Variants in TAS2R1 observed in about 807,000 individuals in gnomAD.
TAS2R1 encodes the protein taste 2 receptor member 1, also known as taste receptor type 2 member 1.
For missense variants in TAS2R1, 370 were observed against 353.4 expected, an observed-to-expected ratio of 1.05 and a Z score of -0.38; for synonymous variants, 141 against 134.2, an observed-to-expected ratio of 1.05 and a Z score of -0.35.
chr5:9,631,416 A>T (rs564038839), upstream of TAS2R1, among the ~76,000 whole-genome samples: 179 of 152,126 alleles, frequency 1.2e-3, no homozygotes, highest in African/African-American at 4.2e-3. Flanking sequence ...CTTTTTAAAA[A>T]TTTTTCATAG....
chr5:9,715,995 T>G (rs904841821), upstream of TAS2R1, among the ~76,000 whole-genome samples: 1 of 152,210 alleles, frequency 6.6e-6, no homozygotes, highest in African/African-American at 2.4e-5. Context: ...TGACACATAC[T>G]CTTTTACTGC....
the TAS2R1 span, among the ~76,000 whole-genome samples, chr5:9,852,101 T>C: frequency 6.6e-6 from 1 of 152,226 alleles, no homozygotes; most frequent in Non-Finnish European, 1.5e-5. Flanking sequence ...AGGTATAGTA[T>C]ATTATAGATG....
At chr5:9,795,439 G>A in the TAS2R1 span, among the ~76,000 whole-genome samples, 1 of 152,028 alleles carries the variant, frequency 6.6e-6, no homozygotes, top group African/African-American at 2.4e-5. Flanking sequence ...AACATACCAG[G>A]GTTTCCCTAT....
chr5:9,798,936 G>A, the TAS2R1 span, among the ~76,000 whole-genome samples: 1 of 152,254 alleles, frequency 6.6e-6, no homozygotes, highest in African/African-American at 2.4e-5. Flanking sequence ...GGAAGGACCA[G>A]GACACTGACT....
chr5:9,633,968 T>C (rs2126476582), upstream of TAS2R1, among the ~76,000 whole-genome samples: 1 of 152,264 alleles, frequency 6.6e-6, no homozygotes, highest in South Asian at 2.1e-4. Flanking sequence ...CTATTTATTT[T>C]TGGTTTTGCT....
At chr5:9,861,154 C>G in the TAS2R1 span, among the ~76,000 whole-genome samples, 1 of 150,642 alleles carries the variant, frequency 6.6e-6, no homozygotes, top group South Asian at 2.1e-4. Flanking sequence ...ACACTTCCAG[C>G]TTTTCTTGAA....
chr5:9,856,062 T>C, the TAS2R1 span, among the ~76,000 whole-genome samples: 246 of 152,266 alleles, frequency 1.6e-3, no homozygotes, highest in African/African-American at 5.8e-3. Context: ...AAGAAGGCAA[T>C]AACTTGCATT....
At chr5:9,710,327 T>A (rs1741704025) in intron 1 of TAS2R1, among the ~76,000 whole-genome samples, 1 of 152,266 alleles carries the variant, frequency 6.6e-6, no homozygotes, top group Non-Finnish European at 1.5e-5. Flanking sequence ...ATTGGCTGTC[T>A]CCTTTACAAA....
the TAS2R1 span, among the ~76,000 whole-genome samples, chr5:9,813,732 C>T: frequency 6.6e-6 from 1 of 152,134 alleles, no homozygotes; most frequent in Admixed American, 6.5e-5. Context: ...CCAAATAATG[C>T]TTGAAAATGA....
chr5:9,707,185 C>G (rs1235159177), intron 1 of TAS2R1, among the ~76,000 whole-genome samples: 3 of 152,068 alleles, frequency 2.0e-5, no homozygotes, highest in Admixed American at 1.3e-4. Context: ...TCTGAAGGCT[C>G]GGGAAGGATT....
chr5:9,686,072 C>G (rs186367221), intron 1 of TAS2R1, among the ~76,000 whole-genome samples: 2 of 152,294 alleles, frequency 1.3e-5, no homozygotes, highest in Non-Finnish European at 2.9e-5. Flanking sequence ...GCCATGTTGA[C>G]CAGGCTGATC....
At chr5:9,674,601 T>C (rs1240806459) in intron 1 of TAS2R1, among the ~76,000 whole-genome samples, 2 of 152,130 alleles carry the variant, frequency 1.3e-5, no homozygotes, top group East Asian at 3.9e-4. Flanking sequence ...TGTATGAATA[T>C]TATGTGGGTT....
At chr5:9,730,492 C>T in the TAS2R1 span, among the ~76,000 whole-genome samples, 2 of 152,176 alleles carry the variant, frequency 1.3e-5, no homozygotes, top group Admixed American at 6.5e-5. Context: ...TGTGCAGGTG[C>T]CACACCCGTG....
the TAS2R1 span, among the ~76,000 whole-genome samples, chr5:9,735,332 C>A: frequency 1.3e-5 from 2 of 151,376 alleles, no homozygotes; most frequent in Non-Finnish European, 2.9e-5. Context: ...GTTTGAGAAT[C>A]TACTTTAAGT....
At chr5:9,777,667 G>A in the TAS2R1 span, among the ~76,000 whole-genome samples, 1 of 152,162 alleles carries the variant, frequency 6.6e-6, no homozygotes, top group Non-Finnish European at 1.5e-5. Context: ...TTTCCAGAAG[G>A]CTTCGAATTT....
At chr5:9,777,807 T>C in the TAS2R1 span, among the ~76,000 whole-genome samples, 1 of 152,048 alleles carries the variant, frequency 6.6e-6, no homozygotes, top group Non-Finnish European at 1.5e-5. Context: ...GATGCTGTGT[T>C]AGCAGGCATG....
chr5:9,845,224 C>T, the TAS2R1 span, among the ~76,000 whole-genome samples: 1 of 152,114 alleles, frequency 6.6e-6, no homozygotes, highest in Non-Finnish European at 1.5e-5. Context: ...ACCCCACATG[C>T]ACCAAGGAAA....
At chr5:9,807,556 G>T in the TAS2R1 span, among the ~76,000 whole-genome samples, 95 of 152,176 alleles carry the variant, frequency 6.2e-4, no homozygotes, top group African/African-American at 2.2e-3. Flanking sequence ...TACATACCAT[G>T]GAATACTATT....
the TAS2R1 span, among the ~76,000 whole-genome samples, chr5:9,867,983 T>A: frequency 6.6e-6 from 1 of 152,196 alleles, no homozygotes; most frequent in African/African-American, 2.4e-5. Flanking sequence ...ACTCCATGTC[T>A]CACATCCAGG....
Sources: allele counts gnomAD v4.1 joint callset (sites outside exome capture counted in the v4.1 genomes callset), GRCh38; gene constraint gnomAD v4.1.1; transcripts MANE v1.5; gene names NCBI Gene and HGNC (gene_info 2026-07-23, HGNC 2026-07-21).